The following PRKN variants were observed in gnomAD, a reference collection of about 807,000 sequenced individuals.
The protein encoded by PRKN is E3 ubiquitin-protein ligase parkin.
In PRKN, 56 loss-of-function variants were observed where a neutral mutation model predicts 59.5. The ratio of observed to expected loss-of-function variants is 0.94; its 90% CI spans 0.76 to 1.18. The LOEUF (loss-of-function observed/expected upper bound fraction) is 1.18. Among genes scored for constraint, PRKN ranks in the 50% most tolerant of loss-of-function variants. The pLI, the probability that PRKN is intolerant of heterozygous loss-of-function variation, is 0.00. For missense variants in PRKN, 657 were observed against 596.4 expected (o/e 1.10, Z -1.06); for synonymous variants, 250 against 222.1 (o/e 1.13, Z -1.12).
intron 1 of PRKN, among the ~76,000 whole-genome samples, chr6:162,519,347 C>G (rs1160066690): frequency 6.6e-6 from 1 of 152,048 alleles, no homozygotes; most frequent in Non-Finnish European, 1.5e-5. Context: ...AGCTTGAGCG[C>G]TAGTGTGTCA....
At chr6:161,780,764 C>T (rs1562679003) in intron 7 of PRKN, among the ~76,000 whole-genome samples, 1 of 151,530 alleles carries the variant, frequency 6.6e-6, no homozygotes, top group East Asian at 1.9e-4. Context: ...GAGTAGGGAG[C>T]CATTATATTT....
In PRKN at chr6:161,595,447, T is replaced by C. The variant is rs556918916; in HGVS notation, c.872-26031A>G. On this transcript the variant is annotated intron_variant, in intron 7 of 11. Transcript: ENST00000366898. ...ACACTGGGTTTTACCTGCTTTCCCA[T>C]TGTTGTGTTACAAACCACCCCTTAC... 6.6e-5 allele frequency among the ~76,000 whole-genome samples: 10 copies of C among 152,342 alleles called. No homozygotes were observed. The South Asian group carries it at 1.2e-3, about 19-fold the overall frequency.
chr6:161,350,644 AAT>A lies in PRKN; in HGVS notation c.1286-435_1286-434del, dbSNP rs1178692488. 8.6e-5 allele frequency among the ~76,000 whole-genome samples: 9 copies of A among 105,156 alleles called. No individual in the cohort carries two copies. In the South Asian group the frequency reaches 2.5e-3, roughly 29 times the overall value. 69.0% of individuals were successfully genotyped at this position (105,156 alleles called of 152,430 possible). A position where few individuals can be genotyped will look rare whatever the true frequency, so the allele number is the denominator to read the frequency against. Reference sequence around the variant, plus strand: ...TATATTTTTATATATTTATATTTAAAATATATATATTTTTATATATTTATATT... The same window carrying A: ...TATATTTTTATATATTTATATTTAAAATATATATTTTTATATATTTATATT... On this transcript the variant is annotated intron_variant, in intron 11 of 11. Transcript: ENST00000366898.
At chr6:162,570,834 G>GA (rs534460628) in intron 1 of PRKN, among the ~76,000 whole-genome samples, 97 of 152,088 alleles carry the variant, frequency 6.4e-4, no homozygotes, top group African/African-American at 2.1e-3. Context: ...GAGGATGGGA[G>GA]GGAAAAAAAT....
At chr6:161,493,616 C>T (rs6936393) in intron 9 of PRKN, among the ~76,000 whole-genome samples, 70,017 of 152,092 alleles carry the variant, frequency 0.46, 16,877 homozygotes, top group African/African-American at 0.57. Flanking sequence ...CAAAGAAGGG[C>T]ACAGATTACA....
intron 6 of PRKN, among the ~76,000 whole-genome samples, chr6:161,936,209 A>ATT (rs1203820292): frequency 5.8e-5 from 8 of 137,086 alleles, no homozygotes; most frequent in East Asian, 2.1e-4. Context: ...TCATGGCAAC[A>ATT]TTTTTTTTTT....
At chr6:162,460,318 A>G (rs1791092159) in intron 1 of PRKN, among the ~76,000 whole-genome samples, 1 of 152,212 alleles carries the variant, frequency 6.6e-6, no homozygotes, top group East Asian at 1.9e-4. Flanking sequence ...TGGCAAATCT[A>G]TAGACACAGA....
Position 161,548,388 on chromosome 6 carries a change from G to T in PRKN, c.1083+466C>A, listed in dbSNP as rs2115425193. Among the ~76,000 whole-genome samples the T allele has an allele frequency of 6.6e-6, 1 of 152,240 alleles. No homozygotes were observed. Among genetic ancestry groups the T allele is most frequent in the Middle Eastern group, 3.4e-3 (1 of 294 alleles). The stretch of plus-strand genomic sequence containing the variant: ...CATCTCTACTTAAAATGATTTTTAT[G>T]ACATAATAACATTTCAAGTTTTCCA... On this transcript the variant is annotated intron_variant, in intron 9 of 11. Transcript: ENST00000366898. The surrounding 1 kb of genome is among the most constrained non-coding windows in gnomAD (Gnocchi z 4.2).
chr6:162,575,296 C>T (rs975236910), intron 1 of PRKN, among the ~76,000 whole-genome samples: 1 of 152,168 alleles, frequency 6.6e-6, no homozygotes, highest in Non-Finnish European at 1.5e-5. Flanking sequence ...CAAAAGACTG[C>T]AAAATGACCT....
At position 161,355,598 on chromosome 6, in the gene PRKN, G is replaced by A. The variant is rs555274478; in HGVS notation, c.1285+4490C>T. Among the ~76,000 whole-genome samples the A allele has an allele frequency of 7.0e-4, 107 of 152,058 alleles. No individual in the cohort carries two copies. Among genetic ancestry groups the A allele is most frequent in the Non-Finnish European group, 1.3e-3 (85 of 67,986 alleles). ...TTTTTGTATTTTTACTAGAGACAGGGTTTCACCATGTTAGTCAGGCTGGTC... is the reference window on the plus strand; with the variant it reads ...TTTTTGTATTTTTACTAGAGACAGGATTTCACCATGTTAGTCAGGCTGGTC... On this transcript the variant is annotated intron_variant, in intron 11 of 11. Coordinates refer to ENST00000366898, the MANE Select transcript of PRKN (RefSeq NM_004562.3). This position sits in a 1 kb window ranked among gnomAD's most constrained non-coding sequence, Gnocchi z 6.8.
At chr6:162,377,017 A>C (rs1325836338) in intron 2 of PRKN, among the ~76,000 whole-genome samples, 1 of 152,042 alleles carries the variant, frequency 6.6e-6, no homozygotes, top group Non-Finnish European at 1.5e-5. Context: ...CACAGTGCCC[A>C]CTTAGCAGGA....
intron 1 of PRKN, among the ~76,000 whole-genome samples, 159 bp downstream of exon 1, chr6:162,727,503 G>A (rs1779325321): frequency 6.6e-6 from 1 of 152,126 alleles, no homozygotes; most frequent in African/African-American, 2.4e-5. Context: ...GCGTCGCTGA[G>A]CTGGGGAGCC....
At chr6:162,629,158 A>T (rs1783007525) in intron 1 of PRKN, among the ~76,000 whole-genome samples, 1 of 152,154 alleles carries the variant, frequency 6.6e-6, no homozygotes, top group Non-Finnish European at 1.5e-5. Context: ...ATTAAACCAC[A>T]ATCTAAAATA....
At chr6:162,423,165 C>T (rs1789066845) in intron 2 of PRKN, among the ~76,000 whole-genome samples, 2 of 151,724 alleles carry the variant, frequency 1.3e-5, no homozygotes, top group African/African-American at 2.4e-5. Context: ...GGTTACATTC[C>T]TAGATACTCT....
At chr6:161,524,400 C>T (rs1022755732) in intron 9 of PRKN, among the ~76,000 whole-genome samples, 11 of 152,190 alleles carry the variant, frequency 7.2e-5, no homozygotes, top group Admixed American at 7.2e-4. Flanking sequence ...GGCTGGAGTG[C>T]AATGGCATGA....
In PRKN at chr6:161,560,217, T is replaced by A. The variant is rs1298930757; in HGVS notation, c.933+9138A>T. Among the ~76,000 whole-genome samples, 1 of 152,188 alleles carries A rather than the reference T, an allele frequency of 6.6e-6. No homozygotes were observed. The highest frequency in any genetic ancestry group is 1.5e-5 in the Non-Finnish European group (1 of 68,030). ...ATGATAAACTAACTGCCCTGTATAA[T>A]CAGCCTTTTGAAAGGTTTCCCTGTC... On this transcript the variant is annotated intron_variant, in intron 8 of 11. Coordinates refer to ENST00000366898, the MANE Select transcript of PRKN (RefSeq NM_004562.3). This position sits in a 1 kb window ranked among gnomAD's most constrained non-coding sequence, Gnocchi z 4.9.
chr6:162,170,720 C>T (rs991887013), intron 4 of PRKN, among the ~76,000 whole-genome samples: 1 of 152,092 alleles, frequency 6.6e-6, no homozygotes, highest in Admixed American at 6.6e-5. Context: ...CTGGAAACAA[C>T]GTTAGTGACA....
At chr6:161,855,103 A>C (rs983914627) in intron 6 of PRKN, among the ~76,000 whole-genome samples, 1 of 151,426 alleles carries the variant, frequency 6.6e-6, no homozygotes, top group Admixed American at 6.6e-5. Context: ...AAAAAAGAAA[A>C]AAAAAAAGAA....
intron 1 of PRKN, among the ~76,000 whole-genome samples, chr6:162,682,951 T>G (rs1400156959): frequency 6.6e-6 from 1 of 152,132 alleles, no homozygotes; most frequent in Non-Finnish European, 1.5e-5. Context: ...TTAAAAATGA[T>G]TCATAGAATT....
Sources: gnomAD v4.1 joint callset for allele counts (sites outside exome capture counted in the v4.1 genomes callset) on GRCh38, gnomAD v4.1.1 for gene constraint, Gnocchi (gnomAD v3.1) non-coding constraint, MANE v1.5 for transcripts, NCBI Gene and HGNC (gene_info 2026-07-23, HGNC 2026-07-21) for gene names.